The following NRG2 variants were observed in gnomAD, a reference collection of about 807,000 sequenced individuals.
NRG2 encodes pro-neuregulin-2, membrane-bound isoform.
In NRG2, 27 loss-of-function variants were observed where a neutral mutation model predicts 73.9. That is an observed-to-expected ratio of 0.37 (90% CI 0.27 to 0.50). The LOEUF is 0.50. Ranked by LOEUF, NRG2 falls within the 20% of genes least tolerant of loss-of-function variation. NRG2 has a pLI of 0.96. For synonymous variants in NRG2, 532 were observed against 541.0 expected (o/e 0.98, Z 0.23); for missense variants, 1,126 against 1,210.1 (o/e 0.93, Z 1.03).
At chr5:140,032,026 G>C (rs970221430) in intron 1 of NRG2, among the ~76,000 whole-genome samples, 1 of 152,160 alleles carries the variant, frequency 6.6e-6, no homozygotes, top group Non-Finnish European at 1.5e-5. Context: ...AAAAACCAGT[G>C]ATCAAAGGAC....
At chr5:139,999,233 C>T (rs1758254372) in intron 1 of NRG2, among the ~76,000 whole-genome samples, 1 of 152,196 alleles carries the variant, frequency 6.6e-6, no homozygotes, top group South Asian at 2.1e-4. Flanking sequence ...CTATTCCTGC[C>T]TCATTCCCCT....
intron 1 of NRG2, among the ~76,000 whole-genome samples, chr5:139,949,470 A>C (rs974934800): frequency 2.6e-5 from 4 of 152,156 alleles, no homozygotes; most frequent in African/African-American, 9.7e-5. Context: ...CTTATTTCAA[A>C]AGTAATTCTC....
At chr5:139,988,480 G>A (rs1757342720) in intron 1 of NRG2, among the ~76,000 whole-genome samples, 1 of 151,980 alleles carries the variant, frequency 6.6e-6, no homozygotes, top group African/African-American at 2.4e-5. Flanking sequence ...AAGCTATCAA[G>A]CCATGAAAAG....
chr5:139,876,242 A>T (rs1025428587), intron 3 of NRG2, among the ~76,000 whole-genome samples: 8 of 152,292 alleles, frequency 5.3e-5, no homozygotes, highest in South Asian at 2.1e-4. Context: ...CATTATGTTA[A>T]GTATAAGAAG....
chr5:139,847,863 T>C lies in NRG2; in HGVS notation c.*54A>G. On this transcript the variant is annotated 3_prime_UTR_variant, in exon 10 of 10. Coordinates refer to ENST00000361474, the MANE Select transcript of NRG2 (RefSeq NM_004883.3). ...TCCTTTCTCTCCAGTAGGCGGTCTCTGGTCTCCTTAAAGATAGTGGGGCGG... is the reference window on the plus strand; with the variant it reads ...TCCTTTCTCTCCAGTAGGCGGTCTCCGGTCTCCTTAAAGATAGTGGGGCGG... The C allele has an allele frequency of 8.8e-7, 1 of 1,142,396 alleles. No individual in the cohort carries two copies. The highest frequency in any genetic ancestry group is 3.3e-5 in the East Asian group (1 of 30,644). 70.8% of individuals were successfully genotyped at this position (1,142,396 alleles called of 1,614,324 possible). A position where few individuals can be genotyped will look rare whatever the true frequency, so the allele number is the denominator to read the frequency against.
In NRG2 at chr5:139,887,965, G is replaced by A. The variant is rs1428677744; in HGVS notation, c.701-454C>T. On this transcript the variant is annotated intron_variant, in intron 1 of 9. Transcript: ENST00000361474. This position sits in a 1 kb window ranked among gnomAD's most constrained non-coding sequence, Gnocchi z 4.5. ...ACAAGCCATGGGGCTGTACTGGTGG[G>A]CTCAGGCCCAATCACGGATGCAAAG... Among the ~76,000 whole-genome samples the A allele has an allele frequency of 6.6e-6, 1 of 152,144 alleles. No homozygotes were observed. Among genetic ancestry groups the A allele is most frequent in the South Asian group, 2.1e-4 (1 of 4,826 alleles).
intron 1 of NRG2, among the ~76,000 whole-genome samples, chr5:139,956,911 C>T (rs1424784136): frequency 6.6e-6 from 1 of 152,234 alleles, no homozygotes; most frequent in Non-Finnish European, 1.5e-5. Flanking sequence ...GAAAAATGGG[C>T]TACCATCTGG....
chr5:139,850,900 CCTT>C (rs1220945069), intron 9 of NRG2, among the ~76,000 whole-genome samples: 4 of 152,180 alleles, frequency 2.6e-5, no homozygotes, highest in East Asian at 1.9e-4. Flanking sequence ...GCAGTTTACT[CCTT>C]CTTCGTGTCT....
At chr5:140,018,562 TC>T (rs1759976585) in intron 1 of NRG2, among the ~76,000 whole-genome samples, 1 of 152,138 alleles carries the variant, frequency 6.6e-6, no homozygotes, top group African/African-American at 2.4e-5. Context: ...GAGGGCAGTT[TC>T]TCCAATTTAC....
At chr5:139,860,690 A>G (rs1263073703) in intron 5 of NRG2, among the ~76,000 whole-genome samples, 2 of 152,196 alleles carry the variant, frequency 1.3e-5, no homozygotes, top group South Asian at 2.1e-4. Flanking sequence ...GAGCTCCTCA[A>G]CTGGTGGACA....
intron 1 of NRG2, among the ~76,000 whole-genome samples, chr5:139,936,615 C>A (rs1752870704): frequency 6.6e-6 from 1 of 152,024 alleles, no homozygotes; most frequent in Non-Finnish European, 1.5e-5. Context: ...CAAACTACTG[C>A]AGAAAATAGA....
chr5:139,892,124 G>A (rs557578373), intron 1 of NRG2, among the ~76,000 whole-genome samples: 1 of 152,310 alleles, frequency 6.6e-6, no homozygotes, highest in African/African-American at 2.4e-5. Flanking sequence ...GGCAAACCTT[G>A]TAGGAAAGTT....
chr5:139,882,503 C>T (rs1040891753), intron 2 of NRG2, among the ~76,000 whole-genome samples: 11 of 152,178 alleles, frequency 7.2e-5, no homozygotes, highest in East Asian at 1.9e-4. Flanking sequence ...GGCCTGGTGC[C>T]GGCCCACAAC....
intron 5 of NRG2, among the ~76,000 whole-genome samples, chr5:139,864,676 C>T (rs530087476): frequency 1.3e-5 from 2 of 152,032 alleles, no homozygotes; most frequent in African/African-American, 2.4e-5. Context: ...ACCCCATTTC[C>T]AAACCCTCAA....
At chr5:139,938,017 T>C (rs1168528913) in intron 1 of NRG2, among the ~76,000 whole-genome samples, 1 of 152,212 alleles carries the variant, frequency 6.6e-6, no homozygotes, top group African/African-American at 2.4e-5. Context: ...AGTTTGAGGC[T>C]ACAGTGAGCT....
intron 1 of NRG2, among the ~76,000 whole-genome samples, chr5:139,937,691 G>A (rs1351886588): frequency 5.9e-5 from 9 of 152,078 alleles, no homozygotes; most frequent in Non-Finnish European, 1.3e-4. Context: ...ACTTTTGGGA[G>A]TAATGGAAAT....
At chr5:139,942,729 G>C (rs1442653948) in intron 1 of NRG2, among the ~76,000 whole-genome samples, 1 of 152,202 alleles carries the variant, frequency 6.6e-6, no homozygotes, top group Non-Finnish European at 1.5e-5. Context: ...ATACTCTTTA[G>C]TGAATTTATT....
At chr5:140,022,323 T>C (rs1290641281) in intron 1 of NRG2, among the ~76,000 whole-genome samples, 1 of 152,226 alleles carries the variant, frequency 6.6e-6, no homozygotes, top group Admixed American at 6.5e-5. Context: ...TTTTCTGATA[T>C]CCCTAAATAC....
At position 140,020,263 on chromosome 5, in the gene NRG2, A is replaced by G. The variant is rs181554767; in HGVS notation, c.700+22107T>C. Among the ~76,000 whole-genome samples, 12 of 152,340 alleles carry G rather than the reference A, an allele frequency of 7.9e-5. No individual in the cohort carries two copies. The East Asian group carries it at 2.3e-3, about 29-fold the overall frequency. Reference sequence around the variant, plus strand: ...TAGTAGTCAAATCTGAAGCACGTTCAAAAAGTGAAAAGAAACAAGTACACA... The same window carrying G: ...TAGTAGTCAAATCTGAAGCACGTTCGAAAAGTGAAAAGAAACAAGTACACA... On this transcript the variant is annotated intron_variant, in intron 1 of 9. Transcript: ENST00000361474.
Sources: allele counts gnomAD v4.1 joint callset (sites outside exome capture counted in the v4.1 genomes callset), GRCh38; gene constraint gnomAD v4.1.1; non-coding constraint Gnocchi (gnomAD v3.1); transcripts MANE v1.5; gene names NCBI Gene and HGNC (gene_info 2026-07-23, HGNC 2026-07-21).